Variants in ZNRF1 observed in about 807,000 individuals in gnomAD.
The protein encoded by ZNRF1 is E3 ubiquitin-protein ligase ZNRF1.
ZNRF1 carries 3 observed loss-of-function variants against 18.4 expected under a neutral mutation model. The ratio of observed to expected loss-of-function variants is 0.16; its 90% CI spans 0.07 to 0.42. ZNRF1 has a LOEUF of 0.42. ZNRF1 is among the 10% of genes least tolerant of loss of function. The pLI, the probability that ZNRF1 is intolerant of heterozygous loss-of-function variation, is 0.99. For synonymous variants in ZNRF1, 157 were observed against 144.2 expected, an observed-to-expected ratio of 1.09 and a Z score of -0.64; for missense variants, 310 against 329.8, an observed-to-expected ratio of 0.94 and a Z score of 0.47.
chr16:75,001,830 T>A (rs553474880), intron 1 of ZNRF1, among the ~76,000 whole-genome samples: 1 of 152,354 alleles, frequency 6.6e-6, no homozygotes, highest in South Asian at 2.1e-4. Context: ...GCTACAGTTA[T>A]GAGCTTGTAG....
chr16:75,011,537 A>G (rs2035000490), intron 1 of ZNRF1, among the ~76,000 whole-genome samples: 1 of 152,136 alleles, frequency 6.6e-6, no homozygotes, highest in African/African-American at 2.4e-5. Flanking sequence ...CTGGCCAAAG[A>G]CACTTTTTTA....
At chr16:75,016,320 C>A (rs2035067781) in intron 1 of ZNRF1, among the ~76,000 whole-genome samples, 1 of 148,268 alleles carries the variant, frequency 6.7e-6, no homozygotes, top group Non-Finnish European at 1.5e-5. Flanking sequence ...CTCACTGCAA[C>A]CTCCACCTCC....
chr16:75,057,177 T>C (rs2035679743), intron 1 of ZNRF1, among the ~76,000 whole-genome samples: 1 of 152,222 alleles, frequency 6.6e-6, no homozygotes, highest in African/African-American at 2.4e-5. Context: ...ACCCCCACCC[T>C]GCCGTCCTGC....
At chr16:75,033,844 C>T (rs2035340552) in intron 1 of ZNRF1, among the ~76,000 whole-genome samples, 1 of 152,120 alleles carries the variant, frequency 6.6e-6, no homozygotes, top group South Asian at 2.1e-4. Context: ...ACAAAATACA[C>T]TTAGCATAAA....
chr16:75,042,577 C>T (rs1228659617), intron 1 of ZNRF1, among the ~76,000 whole-genome samples: 1 of 151,482 alleles, frequency 6.6e-6, no homozygotes, highest in Non-Finnish European at 1.5e-5. Context: ...TATTTCTCGG[C>T]TTTCAATTCT....
chr16:75,061,759 A>AC (rs1358679505), intron 1 of ZNRF1, among the ~76,000 whole-genome samples: 3 of 152,232 alleles, frequency 2.0e-5, no homozygotes, highest in Non-Finnish European at 2.9e-5. Context: ...TCCCTACACC[A>AC]CAGTATGACT....
At chr16:75,058,091 T>TTTTCC in intron 1 of ZNRF1, among the ~76,000 whole-genome samples, 2 of 140,094 alleles carry the variant, frequency 1.4e-5, no homozygotes, top group South Asian at 2.4e-4. Flanking sequence ...GACCTGCCCT[T>TTTTCC]TTTCCTTTCC....
intron 2 of ZNRF1, among the ~76,000 whole-genome samples, chr16:75,097,187 C>T (rs960394615): frequency 2.0e-5 from 3 of 152,142 alleles, no homozygotes; most frequent in African/African-American, 7.2e-5. Context: ...CTAAAGAATA[C>T]GCATTCAAAT....
chr16:75,011,918 G>C (rs1257550012), intron 1 of ZNRF1, among the ~76,000 whole-genome samples: 1 of 152,236 alleles, frequency 6.6e-6, no homozygotes, highest in Non-Finnish European at 1.5e-5. Flanking sequence ...GAGCTGTTCT[G>C]TTTTGCTGTG....
intron 1 of ZNRF1, among the ~76,000 whole-genome samples, chr16:75,061,711 G>A (rs2035746868): frequency 6.6e-6 from 1 of 152,164 alleles, no homozygotes; most frequent in South Asian, 2.1e-4. Context: ...AAGTTACCTA[G>A]GGAAGAAGAC....
intron 1 of ZNRF1, among the ~76,000 whole-genome samples, chr16:75,053,928 T>G (rs1417962602): frequency 1.3e-5 from 2 of 152,236 alleles, no homozygotes; most frequent in African/African-American, 4.8e-5. Context: ...GCAAGTTCTT[T>G]GTTACATATT....
At chr16:75,069,445 G>A (rs2145398164) in intron 1 of ZNRF1, among the ~76,000 whole-genome samples, 1 of 152,202 alleles carries the variant, frequency 6.6e-6, no homozygotes, top group African/African-American at 2.4e-5. Context: ...ACAGAGTCTT[G>A]CTCTATTGCC....
chr16:75,011,136 A>T (rs2034994369), intron 1 of ZNRF1, among the ~76,000 whole-genome samples: 1 of 152,162 alleles, frequency 6.6e-6, no homozygotes, highest in Non-Finnish European at 1.5e-5. Context: ...TTTCCATCTT[A>T]AATAACCTTT....
At chr16:75,095,742 AC>A in intron 2 of ZNRF1, 1 of 1,527,420 alleles carries the variant, frequency 6.5e-7, no homozygotes, top group Non-Finnish European at 8.8e-7. Flanking sequence ...CCTGTGGAGA[AC>A]CGGGAAGGTG....
At chr16:75,060,768 G>A (rs1439486472) in intron 1 of ZNRF1, among the ~76,000 whole-genome samples, 1 of 152,102 alleles carries the variant, frequency 6.6e-6, no homozygotes, top group African/African-American at 2.4e-5. Context: ...GTGAGCCACC[G>A]CGCCCGGCCA....
intron 1 of ZNRF1, among the ~76,000 whole-genome samples, chr16:75,058,560 A>G (rs1218273488): frequency 6.6e-6 from 1 of 152,222 alleles, no homozygotes; most frequent in East Asian, 1.9e-4. Flanking sequence ...CTAGACCAGA[A>G]ATGACTGCCA....
intron 1 of ZNRF1, among the ~76,000 whole-genome samples, chr16:75,001,081 G>C (rs942941293): frequency 6.6e-6 from 1 of 152,242 alleles, no homozygotes; most frequent in South Asian, 2.1e-4. Flanking sequence ...AGGGATGTGG[G>C]GGCCGCTATT....
intron 1 of ZNRF1, among the ~76,000 whole-genome samples, chr16:75,034,607 G>T (rs957191367): frequency 7.2e-5 from 11 of 152,116 alleles, no homozygotes; most frequent in African/African-American, 2.4e-4. Context: ...TTAAGACCCT[G>T]CTTTCCGTTC....
rs1475668509 is a variant in ZNRF1, at chr16:75,108,451, T to C, written c.*751T>C. On this transcript the variant is annotated 3_prime_UTR_variant, in exon 5 of 5. Coordinates refer to ENST00000335325, the MANE Select transcript of ZNRF1 (RefSeq NM_032268.5). ...TTCTTAGGCCCTCGTGGATTTTTTT[T>C]TTCAGAAAACTTAAACAAAAAAAGA... 1 of 397,298 alleles carries C rather than the reference T, an allele frequency of 2.5e-6. No homozygotes were observed. Among genetic ancestry groups the C allele is most frequent in the East Asian group, 3.6e-5 (1 of 28,024 alleles). The allele number at this position is 397,298 out of a possible 1,614,324, so 24.6% of individuals were successfully genotyped here.
Sources: gnomAD v4.1 joint callset for allele counts (sites outside exome capture counted in the v4.1 genomes callset) on GRCh38, gnomAD v4.1.1 for gene constraint, MANE v1.5 for transcripts, NCBI Gene and HGNC (gene_info 2026-07-23, HGNC 2026-07-21) for gene names.